The following PIP5K1B variants were observed in gnomAD, a reference collection of about 807,000 sequenced individuals.
The protein encoded by PIP5K1B is phosphatidylinositol 4-phosphate 5-kinase type-1 beta.
Under a neutral mutation model 67.0 loss-of-function variants are expected in PIP5K1B, and 42 were observed. The observed-to-expected ratio is 0.63, with a 90% CI of 0.49 to 0.81. The LOEUF is 0.81. Among genes scored for constraint, PIP5K1B ranks in the 30% least tolerant of loss-of-function variants. PIP5K1B has a pLI of 0.00. For missense variants in PIP5K1B, 459 were observed against 646.3 expected (o/e 0.71, Z 3.14); for synonymous variants, 214 against 231.4 (o/e 0.92, Z 0.68).
At chr9:68,774,233 G>A (rs1314584017) in intron 2 of PIP5K1B, among the ~76,000 whole-genome samples, 5 of 152,224 alleles carry the variant, frequency 3.3e-5, no homozygotes, top group Middle Eastern at 3.4e-3. Context: ...AACTGGCTTC[G>A]GACAAGTCTT....
chr9:68,907,561 G>C (rs1393042560), intron 8 of PIP5K1B, among the ~76,000 whole-genome samples: 1 of 151,932 alleles, frequency 6.6e-6, no homozygotes, highest in Admixed American at 6.6e-5. Context: ...GGTACTTGCT[G>C]TTCTTAGATA....
intron 2 of PIP5K1B, among the ~76,000 whole-genome samples, chr9:68,776,858 T>G (rs925919416): frequency 1.5e-4 from 23 of 152,300 alleles, no homozygotes; most frequent in Non-Finnish European, 3.1e-4. Flanking sequence ...GCTGGCTACA[T>G]TGCATTTTAT....
intron 2 of PIP5K1B, among the ~76,000 whole-genome samples, chr9:68,769,364 T>G (rs947956326): frequency 2.6e-5 from 4 of 151,474 alleles, no homozygotes; most frequent in Non-Finnish European, 5.9e-5. Context: ...TTATACTGTG[T>G]TTTTTTTTCT....
At chr9:68,945,620 C>T (rs1827765778) in intron 14 of PIP5K1B, among the ~76,000 whole-genome samples, 1 of 152,150 alleles carries the variant, frequency 6.6e-6, no homozygotes, top group African/African-American at 2.4e-5. Context: ...TATTAAGGGC[C>T]ATGTTAAGCC....
At chr9:68,903,086 T>C (rs973237416) in intron 8 of PIP5K1B, among the ~76,000 whole-genome samples, 1 of 152,204 alleles carries the variant, frequency 6.6e-6, no homozygotes, top group Non-Finnish European at 1.5e-5. Context: ...CTACAGCCAT[T>C]GGTGTTGCTT....
intron 2 of PIP5K1B, among the ~76,000 whole-genome samples, chr9:68,748,420 C>T (rs1587382249): frequency 6.6e-6 from 1 of 152,114 alleles, no homozygotes; most frequent in African/African-American, 2.4e-5. Flanking sequence ...TAATTTGCTG[C>T]ATTTTACTTT....
intron 14 of PIP5K1B, among the ~76,000 whole-genome samples, chr9:68,978,663 T>G (rs770956491): frequency 2.0e-5 from 3 of 152,176 alleles, no homozygotes; most frequent in Non-Finnish European, 4.4e-5. Context: ...GATTGGTAGT[T>G]TTGTAGGGAG....
chr9:68,729,301 T>C (rs1828303117), intron 1 of PIP5K1B, among the ~76,000 whole-genome samples: 1 of 152,156 alleles, frequency 6.6e-6, no homozygotes, highest in South Asian at 2.1e-4. Flanking sequence ...TTCAAATTCT[T>C]CTACTTGAAA....
intron 2 of PIP5K1B, among the ~76,000 whole-genome samples, chr9:68,786,874 G>A (rs938178436): frequency 6.6e-5 from 10 of 152,250 alleles, no homozygotes; most frequent in South Asian, 4.1e-4. Flanking sequence ...TACCCTCCAC[G>A]GTAACCATTC....
intron 2 of PIP5K1B, among the ~76,000 whole-genome samples, chr9:68,766,965 A>C (rs112271913): frequency 0.017 from 2,654 of 152,324 alleles, 26 homozygotes; most frequent in Non-Finnish European, 0.027. Flanking sequence ...CTAAATTCAA[A>C]GTGCAGGCCC....
intron 14 of PIP5K1B, among the ~76,000 whole-genome samples, chr9:68,982,985 T>C (rs1405656647): frequency 5.9e-5 from 9 of 152,212 alleles, no homozygotes; most frequent in Admixed American, 5.9e-4. Context: ...CTTTATGTCC[T>C]ATGTGAAACA....
At chr9:68,934,015 A>G (rs1264129365) in intron 12 of PIP5K1B, among the ~76,000 whole-genome samples, 1 of 152,226 alleles carries the variant, frequency 6.6e-6, no homozygotes, top group Non-Finnish European at 1.5e-5. Context: ...AGACACTGCC[A>G]AAAACATATT....
At chr9:68,997,079 C>T (rs986899848) in intron 15 of PIP5K1B, among the ~76,000 whole-genome samples, 8 of 152,092 alleles carry the variant, frequency 5.3e-5, no homozygotes, top group Admixed American at 2.6e-4. Flanking sequence ...AGCTGTTGGA[C>T]GGCTTGATTA....
chr9:68,949,310 T>C (rs1423975177), intron 14 of PIP5K1B, among the ~76,000 whole-genome samples: 1 of 152,240 alleles, frequency 6.6e-6, no homozygotes, highest in Admixed American at 6.5e-5. Context: ...AGCTCCTACA[T>C]CAGGGTACCT....
chr9:68,951,333 T>G (rs1231117301), intron 14 of PIP5K1B, among the ~76,000 whole-genome samples: 4 of 152,230 alleles, frequency 2.6e-5, no homozygotes, highest in Admixed American at 2.0e-4. Context: ...ATGGTAGAGT[T>G]TCTCTGTCTT....
intron 4 of PIP5K1B, among the ~76,000 whole-genome samples, chr9:68,837,545 T>C (rs1263272282): frequency 6.6e-6 from 1 of 151,984 alleles, no homozygotes; most frequent in African/African-American, 2.4e-5. Context: ...TTTAGGGCCT[T>C]GCATTTTTGT....
In PIP5K1B at chr9:68,962,220, TTAAA is replaced by T. The variant is rs1238643038; in HGVS notation, c.1502+21435_1502+21438del. 5.3e-5 allele frequency among the ~76,000 whole-genome samples: 8 copies of T among 152,136 alleles called. No homozygotes were observed. In the East Asian group the frequency reaches 9.7e-4, roughly 18 times the overall value. On this transcript the variant is annotated intron_variant, in intron 14 of 15. Coordinates refer to ENST00000265382, the MANE Select transcript of PIP5K1B (RefSeq NM_003558.4). ...ATACTGATTTGGGAAAAAAAAGACA[TTAAA>T]TAAACATTTCCTTGTACACAGAATA...
intron 4 of PIP5K1B, chr9:68,823,952 A>G (rs1833856244): frequency 2.7e-6 from 1 of 376,880 alleles, no homozygotes; most frequent in Admixed American, 3.5e-5. Flanking sequence ...ACCTTGAAAT[A>G]CAAACTGGGA....
chr9:68,822,534 A>G (rs1833781010), intron 3 of PIP5K1B, 81 bp from the exon 4 acceptor site: 2 of 1,002,850 alleles, frequency 2.0e-6, no homozygotes, highest in Non-Finnish European at 3.0e-6. Context: ...ACTAAAATAG[A>G]TCCTTTGGTT....
Sources: gnomAD v4.1 joint callset for allele counts (sites outside exome capture counted in the v4.1 genomes callset) on GRCh38, gnomAD v4.1.1 for gene constraint, MANE v1.5 for transcripts, NCBI Gene and HGNC (gene_info 2026-07-23, HGNC 2026-07-21) for gene names.